FBXO28: variants seen among roughly 807,000 people sequenced by gnomAD.
The protein encoded by FBXO28 is F-box only protein 28.
Under a neutral mutation model 38.1 loss-of-function variants are expected in FBXO28, and 8 were observed. The ratio of observed to expected loss-of-function variants is 0.21; its 90% CI spans 0.12 to 0.38. FBXO28 has a LOEUF of 0.38. FBXO28 is among the 10% of genes least tolerant of loss of function. The pLI, the probability that FBXO28 is intolerant of heterozygous loss-of-function variation, is 1.00. For synonymous variants in FBXO28, 168 were observed against 173.8 expected (o/e 0.97, Z 0.26); for missense variants, 345 against 460.6 (o/e 0.75, Z 2.30).
chr1:224,114,459 G>A (rs1656595997), intron 1 of FBXO28, 63 bp downstream of exon 1: 2 of 1,219,316 alleles, frequency 1.6e-6, no homozygotes, highest in Admixed American at 3.0e-5. Context: ...AGATGAGAAG[G>A]GAGCGCGTTC....
At chr1:224,144,848 A>C (rs942835649) in intron 3 of FBXO28, among the ~76,000 whole-genome samples, 1 of 152,090 alleles carries the variant, frequency 6.6e-6, no homozygotes, top group Non-Finnish European at 1.5e-5. Context: ...CTTTACAAAC[A>C]TGTATTCCCT....
At chr1:224,144,576 G>C (rs950667761) in intron 3 of FBXO28, among the ~76,000 whole-genome samples, 1 of 152,028 alleles carries the variant, frequency 6.6e-6, no homozygotes, top group Non-Finnish European at 1.5e-5. Flanking sequence ...TGGCCAACAT[G>C]GTGAAACCCC....
At chr1:224,155,367 A>G (rs187627928) in intron 4 of FBXO28, among the ~76,000 whole-genome samples, 138 of 152,140 alleles carry the variant, frequency 9.1e-4, no homozygotes, top group Non-Finnish European at 3.7e-4. Flanking sequence ...GGGTTTCACC[A>G]TGTTGTTCAG....
chr1:224,133,819 C>T lies in FBXO28; in HGVS notation c.378-255C>T, dbSNP rs949231172. 1.4e-4 allele frequency among the ~76,000 whole-genome samples: 14 copies of T among 100,002 alleles called. No individual in the cohort carries two copies. The East Asian group carries it at 2.4e-3, about 17-fold the overall frequency. 65.6% of individuals were successfully genotyped at this position (100,002 alleles called of 152,430 possible). A position where few individuals can be genotyped will look rare whatever the true frequency, so the allele number is the denominator to read the frequency against. ...AGCCTCCAAGCCCGGCCCCAAAAAACCTAATTAAAATATATATATATATAT... is the reference window on the plus strand; with the variant it reads ...AGCCTCCAAGCCCGGCCCCAAAAAATCTAATTAAAATATATATATATATAT... On this transcript the variant is annotated intron_variant, in intron 2 of 4. Coordinates refer to ENST00000366862, the MANE Select transcript of FBXO28 (RefSeq NM_015176.4).
chr1:224,139,927 TA>T (rs565658830), intron 3 of FBXO28, among the ~76,000 whole-genome samples: 6 of 148,468 alleles, frequency 4.0e-5, no homozygotes, highest in Non-Finnish European at 6.0e-5. Context: ...CCCCCGTCTC[TA>T]AAAAAAAAAT....
At chr1:224,148,265 T>C (rs1657557101) in intron 3 of FBXO28, among the ~76,000 whole-genome samples, 1 of 152,182 alleles carries the variant, frequency 6.6e-6, no homozygotes, top group Admixed American at 6.6e-5. Context: ...ATCTAATAAT[T>C]TACTGTCAGT....
chr1:224,137,289 C>T (rs1657214558), intron 3 of FBXO28, among the ~76,000 whole-genome samples: 2 of 151,430 alleles, frequency 1.3e-5, no homozygotes, highest in African/African-American at 4.9e-5. Flanking sequence ...CTTTGGGAGG[C>T]CAAGACGGGT....
intron 3 of FBXO28, among the ~76,000 whole-genome samples, chr1:224,147,191 G>A (rs978932055): frequency 7.9e-5 from 12 of 151,648 alleles, no homozygotes; most frequent in South Asian, 2.1e-4. Context: ...TTGGCAGGCC[G>A]AGGCAGGCGG....
chr1:224,118,386 T>G (rs914468685), intron 1 of FBXO28, among the ~76,000 whole-genome samples: 28 of 152,230 alleles, frequency 1.8e-4, no homozygotes, highest in African/African-American at 6.8e-4. Flanking sequence ...TTTAGAGAGA[T>G]ACTATCAATT....
chr1:224,129,310 A>T (rs1464899705), intron 1 of FBXO28, among the ~76,000 whole-genome samples: 1 of 152,208 alleles, frequency 6.6e-6, no homozygotes, highest in Non-Finnish European at 1.5e-5. Context: ...ATTGCACTAT[A>T]GCCTGGGTGA....
At chr1:224,131,498 A>C (rs537744924) in intron 2 of FBXO28, among the ~76,000 whole-genome samples, 1 of 152,254 alleles carries the variant, frequency 6.6e-6, no homozygotes, top group African/African-American at 2.4e-5. Context: ...AAGCAAAAGC[A>C]AAAGTCTGGA....
At chr1:224,151,298 G>A (rs7524705) in intron 3 of FBXO28, among the ~76,000 whole-genome samples, 62,722 of 151,752 alleles carry the variant, frequency 0.41, 13,154 homozygotes, top group East Asian at 0.56. Context: ...ATCTGCCTAC[G>A]TACACCACCT....
At chr1:224,128,061 A>G (rs1455460669) in intron 1 of FBXO28, among the ~76,000 whole-genome samples, 2 of 152,188 alleles carry the variant, frequency 1.3e-5, no homozygotes, top group South Asian at 2.1e-4. Context: ...TTGAGCTTCA[A>G]CCCAGTTTGC....
chr1:224,119,135 C>CTTTTTTTTTT lies in FBXO28; in HGVS notation c.267+4748_267+4757dup, dbSNP rs67458349. 7.6e-4 allele frequency among the ~76,000 whole-genome samples: 84 copies of CTTTTTTTTTT among 109,906 alleles called. 5 individuals carry two copies. The highest frequency in any genetic ancestry group is 8.8e-4 in the South Asian group (3 of 3,418). The allele number at this position is 109,906 out of a possible 152,430, so 72.1% of individuals were successfully genotyped here. On this transcript the variant is annotated intron_variant, in intron 1 of 4. Coordinates refer to ENST00000366862, the MANE Select transcript of FBXO28 (RefSeq NM_015176.4). ...CTCTTGCTGATTTTTTCTTTTTTTT[C>CTTTTTTTTTT]TTTTTTTTTTTTTTTTTTGACGGAA...
intron 1 of FBXO28, among the ~76,000 whole-genome samples, chr1:224,118,090 C>T (rs1656687638): frequency 6.6e-6 from 1 of 151,796 alleles, no homozygotes; most frequent in African/African-American, 2.4e-5. Context: ...GCGGCGTGAT[C>T]ACAGCTCACT....
chr1:224,145,714 T>C (rs1053133390), intron 3 of FBXO28, among the ~76,000 whole-genome samples: 4 of 151,944 alleles, frequency 2.6e-5, no homozygotes, highest in African/African-American at 7.3e-5. Context: ...CCTGAGGTCA[T>C]GAGTTCGAGA....
intron 3 of FBXO28, among the ~76,000 whole-genome samples, chr1:224,134,829 C>G: frequency 6.6e-6 from 1 of 152,242 alleles, no homozygotes; most frequent in Non-Finnish European, 1.5e-5. Flanking sequence ...TGACATATGT[C>G]TGTATCTTTT....
chr1:224,138,171 T>G (rs1377476722), intron 3 of FBXO28, among the ~76,000 whole-genome samples: 1 of 150,908 alleles, frequency 6.6e-6, no homozygotes, highest in Admixed American at 6.6e-5. Flanking sequence ...GAGGTTGCAG[T>G]GAGCCGAGAT....
chr1:224,135,630 A>AAAAAAAAAAAAAAAAAAAAAG (rs1553290016), intron 3 of FBXO28, among the ~76,000 whole-genome samples: 2 of 115,786 alleles, frequency 1.7e-5, no homozygotes, highest in Non-Finnish European at 3.4e-5. Flanking sequence ...AAAAAAAAAA[A>AAAAAAAAAAAAAAAAAAAAAG]AAAAAGAAAA....
Sources: gnomAD v4.1 joint callset for allele counts (sites outside exome capture counted in the v4.1 genomes callset) on GRCh38, gnomAD v4.1.1 for gene constraint, MANE v1.5 for transcripts, NCBI Gene and HGNC (gene_info 2026-07-23, HGNC 2026-07-21) for gene names.